The following INTS12 variants were observed in gnomAD, a reference collection of about 807,000 sequenced individuals.
The protein encoded by INTS12 is PHD finger protein 22.
In INTS12, 13 loss-of-function variants were observed where a neutral mutation model predicts 41.6. The observed-to-expected ratio is 0.31, with a 90% confidence interval of 0.20 to 0.50. The LOEUF is 0.50. Ranked by LOEUF, INTS12 falls within the 20% of genes least tolerant of loss-of-function variation. The pLI is 0.98. For missense variants in INTS12, 432 were observed against 541.6 expected (o/e 0.80, Z 2.01); for synonymous variants, 199 against 191.4 (o/e 1.04, Z -0.33).
chr4:105,700,706 AACACACACACACACACAC>A (rs767514862), intron 2 of INTS12, among the ~76,000 whole-genome samples: 1 of 134,752 alleles, frequency 7.4e-6, no homozygotes, highest in Non-Finnish European at 1.6e-5. Flanking sequence ...ATCTACTTAA[AACACACACACACACACAC>A]ACACACACAC....
chr4:105,696,102 C>T (rs892633965), intron 3 of INTS12, among the ~76,000 whole-genome samples: 2 of 152,148 alleles, frequency 1.3e-5, no homozygotes, highest in African/African-American at 2.4e-5. Flanking sequence ...CCGCCCACCT[C>T]GGCCTCCCAA....
intron 7 of INTS12, among the ~76,000 whole-genome samples, chr4:105,684,802 C>T (rs1416250650): frequency 6.6e-6 from 1 of 151,990 alleles, no homozygotes; most frequent in Non-Finnish European, 1.5e-5. Context: ...TGCTATTAAA[C>T]ATAAAACTGT....
rs1250747796 is a variant in INTS12, at chr4:105,682,640, A to T, written c.*93T>A. 1 of 908,778 alleles carries T rather than the reference A, an allele frequency of 1.1e-6. No individual in the cohort carries two copies. The highest frequency in any genetic ancestry group is 2.5e-5 in the East Asian group (1 of 40,336). 56.3% of individuals were successfully genotyped at this position (908,778 alleles called of 1,614,324 possible). On this transcript the variant is annotated 3_prime_UTR_variant, in exon 8 of 8. Transcript: ENST00000340139. Reference sequence around the variant, plus strand: ...AAACAATAGAAATTTGATTATGAAGACTTTTATTAAATTACAGTGTATTAC... The same window carrying T: ...AAACAATAGAAATTTGATTATGAAGTCTTTTATTAAATTACAGTGTATTAC...
chr4:105,690,250 A>T (rs1292030455), intron 6 of INTS12, among the ~76,000 whole-genome samples: 1 of 152,150 alleles, frequency 6.6e-6, no homozygotes, highest in Non-Finnish European at 1.5e-5. Context: ...AGGTCCATAT[A>T]TGCATCCTAA....
chr4:105,696,286 C>T (rs531848213), intron 3 of INTS12, among the ~76,000 whole-genome samples: 1 of 152,300 alleles, frequency 6.6e-6, no homozygotes, highest in African/African-American at 2.4e-5. Flanking sequence ...TGTAATTACT[C>T]TCTTACAGGT....
In INTS12 at chr4:105,699,958, T is replaced by C. The variant is rs750626899; in HGVS notation, c.48A>G (p.Ala16=). 16 of 1,513,200 alleles carry C rather than the reference T, an allele frequency of 1.1e-5. No homozygotes were observed. In the Admixed American group the frequency reaches 2.8e-4, roughly 26 times the overall value. 93.7% of individuals were successfully genotyped at this position (1,513,200 alleles called of 1,614,324 possible). Residue 16 remains alanine, a synonymous_variant, in exon 3 of 8, where the codon GCA becomes GCG. Coordinates refer to ENST00000340139, the MANE Select transcript of INTS12 (RefSeq NM_020395.4). ...NLELDPIFLK[A]LGFLHSKSKD... ...TACTCTTTGAATGCAAGAAACCTAG[T>C]GCTTTCAAAAAAATGGGATCAAGTT...
chr4:105,686,559 T>C, intron 7 of INTS12, 133 bp downstream of exon 7: 1 of 618,220 alleles, frequency 1.6e-6, no homozygotes, highest in Non-Finnish European at 2.8e-6. Flanking sequence ...AATATAATAG[T>C]AGTAAAGTCT....
At chr4:105,702,396 A>C (rs1331344439) in intron 2 of INTS12, among the ~76,000 whole-genome samples, 2 of 152,094 alleles carry the variant, frequency 1.3e-5, no homozygotes, top group African/African-American at 2.4e-5. Flanking sequence ...TCGGCCTCCC[A>C]AAGTGCTGGG....
At chr4:105,689,404 G>C (rs1731608543) in intron 6 of INTS12, among the ~76,000 whole-genome samples, 1 of 152,194 alleles carries the variant, frequency 6.6e-6, no homozygotes, top group African/African-American at 2.4e-5. Context: ...ACTGTATTTA[G>C]AATCCCCACT....
intron 2 of INTS12, among the ~76,000 whole-genome samples, chr4:105,703,334 T>C (rs1447745792): frequency 5.9e-5 from 9 of 152,204 alleles, no homozygotes; most frequent in Admixed American, 6.5e-5. Flanking sequence ...AGGGAAGTGG[T>C]AGTAGTAGTA....
At chr4:105,697,261 G>A (rs1731898813) in intron 3 of INTS12, among the ~76,000 whole-genome samples, 1 of 152,184 alleles carries the variant, frequency 6.6e-6, no homozygotes, top group Non-Finnish European at 1.5e-5. Context: ...GCAGCTCTTG[G>A]AATTCCCCCT....
intron 1 of INTS12, among the ~76,000 whole-genome samples, chr4:105,704,084 C>A (rs1261948642): frequency 6.6e-6 from 1 of 150,974 alleles, no homozygotes; most frequent in Non-Finnish European, 1.5e-5. Context: ...CATCTTCTAT[C>A]TTTTCTCTTT....
At chr4:105,695,297 T>C (rs1731822269) in intron 4 of INTS12, among the ~76,000 whole-genome samples, 1 of 152,140 alleles carries the variant, frequency 6.6e-6, no homozygotes, top group Non-Finnish European at 1.5e-5. Flanking sequence ...CAAATATTTA[T>C]TGACAATAAC....
chr4:105,693,970 C>T (rs1230505424), intron 4 of INTS12, among the ~76,000 whole-genome samples: 1 of 152,154 alleles, frequency 6.6e-6, no homozygotes, highest in Non-Finnish European at 1.5e-5. Context: ...AGTACATCTA[C>T]TTTTGATAGA....
intron 1 of INTS12, 81 bp downstream of exon 1, chr4:105,708,557 A>G: frequency 2.0e-6 from 2 of 985,376 alleles, no homozygotes; most frequent in Non-Finnish European, 2.4e-6. Context: ...TACCCCACGT[A>G]GCTACTCTCC....
intron 2 of INTS12, chr4:105,702,826 CTAAAA>C: frequency 1.1e-6 from 1 of 934,844 alleles, no homozygotes; most frequent in Non-Finnish European, 1.3e-6. Flanking sequence ...GTAGTTGAAC[CTAAAA>C]TAAAACACTT....
At chr4:105,694,551 G>A (rs1038940144) in intron 4 of INTS12, among the ~76,000 whole-genome samples, 1 of 152,016 alleles carries the variant, frequency 6.6e-6, no homozygotes, top group Non-Finnish European at 1.5e-5. Flanking sequence ...GCCAACTCCC[G>A]ACCTGCTGAC....
chr4:105,694,734 G>C (rs1375406299), intron 4 of INTS12, among the ~76,000 whole-genome samples: 1 of 152,126 alleles, frequency 6.6e-6, no homozygotes, highest in African/African-American at 2.4e-5. Context: ...ACTCCATCTT[G>C]AGGGCAAGGG....
chr4:105,698,745 G>C (rs1257818872), intron 3 of INTS12, among the ~76,000 whole-genome samples: 1 of 152,154 alleles, frequency 6.6e-6, no homozygotes, highest in African/African-American at 2.4e-5. Context: ...CAATAAAAAG[G>C]CTTCGGAGTA....
Sources: allele counts gnomAD v4.1 joint callset (sites outside exome capture counted in the v4.1 genomes callset), GRCh38; gene constraint gnomAD v4.1.1; transcripts MANE v1.5; gene names NCBI Gene and HGNC (gene_info 2026-07-23, HGNC 2026-07-21).